MYH11: variants seen among roughly 807,000 people sequenced by gnomAD.
MYH11 encodes myosin-11.
A neutral mutation model predicts 246.6 loss-of-function variants in MYH11; 80 were observed. The observed-to-expected ratio is 0.32, with a 90% CI of 0.27 to 0.39. MYH11 has a LOEUF of 0.39. MYH11 is among the 10% of genes least tolerant of loss of function. MYH11 has a pLI of 1.00. For synonymous variants in MYH11, 1,071 were observed against 1,015.5 expected, an observed-to-expected ratio of 1.05 and a Z score of -1.04; for missense variants, 2,158 against 2,546.8, an observed-to-expected ratio of 0.85 and a Z score of 3.29.
At chr16:15,759,509 C>A in intron 12 of MYH11, 67 bp downstream of exon 12, 1 of 1,608,616 alleles carries the variant, frequency 6.2e-7, no homozygotes. Context: ...AAAATCATGA[C>A]TCCTCCAAGA....
intron 27 of MYH11, among the ~76,000 whole-genome samples, chr16:15,731,545 G>A (rs1445247296): frequency 6.6e-6 from 1 of 151,298 alleles, no homozygotes; most frequent in East Asian, 1.9e-4. Context: ...AGACTGGAGT[G>A]CAGTAGCACG....
Position 15,717,218 on chromosome 16 carries a change from T to C in MYH11, c.5426A>G (p.Lys1809Arg). Residue 1809 changes from lysine (K) to arginine (R), a missense_variant, in exon 38 of 41, where the codon AAG becomes AGG. Coordinates refer to ENST00000300036, the MANE Select transcript of MYH11 (RefSeq NM_002474.3). ...SKLHEMEGAV[K>R]SKFKSTIAAL... ...CGCGATGGTGGACTTGAACTTGGAC[T>C]TGACGGCCCCCTCCATCTCGTGGAG... 1 of 1,614,212 alleles carries C rather than the reference T, an allele frequency of 6.2e-7. No homozygotes were observed. The highest frequency in any genetic ancestry group is 8.5e-7 in the Non-Finnish European group (1 of 1,180,044).
chr16:15,719,963 A>G (rs1296674394), intron 34 of MYH11, among the ~76,000 whole-genome samples, 188 bp downstream of exon 34: 1 of 152,042 alleles, frequency 6.6e-6, no homozygotes, highest in African/African-American at 2.4e-5. Context: ...CCAAATACCT[A>G]ATAATGCTGC....
intron 3 of MYH11, among the ~76,000 whole-genome samples, chr16:15,803,431 C>A (rs1291946025): frequency 2.0e-5 from 3 of 151,958 alleles, no homozygotes; most frequent in African/African-American, 7.2e-5. Flanking sequence ...TGCGTGCCAC[C>A]ACGCCTGGCT....
chr16:15,775,430 TGAGCTCACTGGTTTATGTGTTGCC>T (rs2042198883), intron 8 of MYH11, among the ~76,000 whole-genome samples: 3 of 474 alleles, frequency 6.3e-3, no homozygotes, highest in African/African-American at 0.027. Flanking sequence ...ATGTGTTGCC[TGAGCTCACTGGTTTATGTGTTGCC>T]TGAGCTCACT....
intron 20 of MYH11, among the ~76,000 whole-genome samples, chr16:15,743,874 A>G (rs1002343257): frequency 6.6e-6 from 1 of 152,194 alleles, no homozygotes; most frequent in Admixed American, 6.5e-5. Context: ...AGCCTAGTCT[A>G]TTGCAACAGA....
chr16:15,823,162 C>G, intron 3 of MYH11, 93 bp downstream of exon 3: 1 of 1,562,476 alleles, frequency 6.4e-7, no homozygotes, highest in African/African-American at 1.4e-5. Context: ...CTCGCAGTGC[C>G]TGCCAAACTC....
At position 15,751,334 on chromosome 16, in the gene MYH11, T is replaced by A. The variant is rs181356396; in HGVS notation, c.1865-1003A>T. 6.7e-3 allele frequency among the ~76,000 whole-genome samples: 1,016 copies of A among 151,786 alleles called. 4 individuals carry two copies. Among genetic ancestry groups the A allele is most frequent in the Non-Finnish European group, 0.011 (746 of 67,898 alleles). ...GCCACCACGCCCGGCTCATTTTTTTTATATTTTTAGTAGAGACAGAGTTTC... is the reference window on the plus strand; with the variant it reads ...GCCACCACGCCCGGCTCATTTTTTTAATATTTTTAGTAGAGACAGAGTTTC... On this transcript the variant is annotated intron_variant, in intron 15 of 40. Coordinates refer to ENST00000300036, the MANE Select transcript of MYH11 (RefSeq NM_002474.3).
intron 1 of MYH11, among the ~76,000 whole-genome samples, chr16:15,847,227 T>A (rs562107169): frequency 6.6e-6 from 1 of 150,716 alleles, no homozygotes; most frequent in African/African-American, 2.4e-5. Flanking sequence ...CTAAGCACTA[T>A]GACAAGTAAA....
chr16:15,826,142 G>GTTCGTTCA (rs928565098), intron 2 of MYH11, among the ~76,000 whole-genome samples: 5 of 151,034 alleles, frequency 3.3e-5, no homozygotes, highest in Non-Finnish European at 4.4e-5. Context: ...CTGATCGTTC[G>GTTCGTTCA]TTCATTCATT....
intron 4 of MYH11, among the ~76,000 whole-genome samples, chr16:15,793,091 T>C (rs8051319): frequency 0.44 from 67,085 of 151,834 alleles, 15,959 homozygotes; most frequent in African/African-American, 0.62. Context: ...AAGCACCCCC[T>C]TACCTCTCTC....
chr16:15,851,974 G>T (rs1447545248), intron 1 of MYH11, among the ~76,000 whole-genome samples: 2 of 152,108 alleles, frequency 1.3e-5, no homozygotes, highest in Non-Finnish European at 2.9e-5. Flanking sequence ...TATGTCAGGG[G>T]TCCCCAACCC....
intron 35 of MYH11, 117 bp downstream of exon 35, chr16:15,719,468 G>T: frequency 6.5e-7 from 1 of 1,544,482 alleles, no homozygotes; most frequent in Non-Finnish European, 8.9e-7. Context: ...TGTCTTTCTA[G>T]ACAGGTGGAC....
At chr16:15,809,514 A>G (rs2151335572) in intron 3 of MYH11, among the ~76,000 whole-genome samples, 2 of 152,226 alleles carry the variant, frequency 1.3e-5, no homozygotes, top group African/African-American at 4.8e-5. Flanking sequence ...CCTGGGCAAC[A>G]GGGCAAGGCC....
At chr16:15,761,262 CA>C (rs1419075366) in intron 10 of MYH11, among the ~76,000 whole-genome samples, 1 of 152,030 alleles carries the variant, frequency 6.6e-6, no homozygotes, top group Admixed American at 6.5e-5. Flanking sequence ...AGGTGCCTGC[CA>C]CCACACCCAG....
At chr16:15,758,275 G>A (rs780590126) in intron 12 of MYH11, among the ~76,000 whole-genome samples, 7 of 152,154 alleles carry the variant, frequency 4.6e-5, no homozygotes, top group South Asian at 4.1e-4. Context: ...CGTAAGGCAC[G>A]CTACTGCATG....
chr16:15,814,147 AAAC>A (rs200135546), intron 3 of MYH11, among the ~76,000 whole-genome samples: 33,610 of 151,344 alleles, frequency 0.22, 4,348 homozygotes, highest in African/African-American at 0.36. Context: ...CCCCAAAAAA[AAAC>A]AAACAAACCA....
intron 3 of MYH11, among the ~76,000 whole-genome samples, chr16:15,801,079 G>A (rs1209959343): frequency 2.0e-5 from 3 of 151,946 alleles, no homozygotes; most frequent in South Asian, 2.1e-4. Context: ...CATGGCACAC[G>A]CTTGTAATCC....
At chr16:15,751,073 C>T (rs2041553514) in intron 15 of MYH11, among the ~76,000 whole-genome samples, 1 of 151,974 alleles carries the variant, frequency 6.6e-6, no homozygotes, top group African/African-American at 2.4e-5. Context: ...ACAGCACACA[C>T]TCCGAGATAG....
Sources: gnomAD v4.1 joint callset for allele counts (sites outside exome capture counted in the v4.1 genomes callset) on GRCh38, gnomAD v4.1.1 for gene constraint, MANE v1.5 for transcripts, NCBI Gene and HGNC (gene_info 2026-07-23, HGNC 2026-07-21) for gene names.